The following RBFOX1 variants were observed in gnomAD, a reference collection of about 807,000 sequenced individuals.
RBFOX1 encodes the protein RNA binding fox-1 homolog 1.
A neutral mutation model predicts 57.7 loss-of-function variants in RBFOX1; 8 were observed. The observed-to-expected ratio is 0.14, with a 90% CI of 0.08 to 0.25. The LOEUF is 0.25. Ranked by LOEUF, RBFOX1 falls within the 10% of genes least tolerant of loss-of-function variation. RBFOX1 has a pLI of 1.00. For missense variants in RBFOX1, 611 were observed against 548.5 expected, an observed-to-expected ratio of 1.11 and a Z score of -1.14; for synonymous variants, 326 against 222.4, an observed-to-expected ratio of 1.47 and a Z score of -4.15.
At chr16:5,916,755 C>T (rs1253666822) in intron 4 of RBFOX1, among the ~76,000 whole-genome samples, 2 of 152,108 alleles carry the variant, frequency 1.3e-5, no homozygotes, top group African/African-American at 4.8e-5. Context: ...TCTCTGACTC[C>T]ACTGGGCTGC....
chr16:5,599,639 T>C (rs2047300653), exon 3 of RBFOX1: 1 of 182,896 alleles, frequency 5.5e-6, no homozygotes, highest in African/African-American at 2.3e-5. Flanking sequence ...TGTTGCTGTT[T>C]GGTATTCATC....
chr16:7,105,528 C>G (rs973780135), intron 4 of RBFOX1, among the ~76,000 whole-genome samples: 5 of 151,952 alleles, frequency 3.3e-5, no homozygotes, highest in Non-Finnish European at 5.9e-5. Flanking sequence ...CATTCTTATG[C>G]CTTTGCTTCC....
At chr16:7,347,466 C>T (rs1261928581) in intron 4 of RBFOX1, among the ~76,000 whole-genome samples, 1 of 152,146 alleles carries the variant, frequency 6.6e-6, no homozygotes, top group Non-Finnish European at 1.5e-5. Context: ...CCCCCAAATT[C>T]AGTCATTTCC....
intron 3 of RBFOX1, among the ~76,000 whole-genome samples, chr16:5,832,943 A>T (rs188808591): frequency 6.6e-6 from 1 of 152,326 alleles, no homozygotes; most frequent in Non-Finnish European, 1.5e-5. Context: ...TGAAAAAGAT[A>T]TTCACCAATG....
At chr16:6,442,899 G>C (rs1208346638) in intron 2 of RBFOX1, among the ~76,000 whole-genome samples, 1 of 152,114 alleles carries the variant, frequency 6.6e-6, no homozygotes, top group East Asian at 1.9e-4. Flanking sequence ...TTGTGTGTTT[G>C]CCATGCGAAA....
At chr16:7,131,341 CTTTTTTTT>C (rs34213849) in intron 4 of RBFOX1, among the ~76,000 whole-genome samples, 2 of 71,746 alleles carry the variant, frequency 2.8e-5, no homozygotes, top group African/African-American at 5.8e-5. Context: ...GCGAGACTGT[CTTTTTTTT>C]TTTTTTTTTT....
At chr16:7,391,415 C>T (rs544310394) in intron 4 of RBFOX1, among the ~76,000 whole-genome samples, 3 of 152,314 alleles carry the variant, frequency 2.0e-5, no homozygotes, top group African/African-American at 7.2e-5. Flanking sequence ...CTCTGCTCTT[C>T]GTTTCTCACC....
At chr16:6,575,039 A>G (rs1485319213) in intron 2 of RBFOX1, among the ~76,000 whole-genome samples, 2 of 22,284 alleles carry the variant, frequency 9.0e-5, no homozygotes, top group East Asian at 3.2e-3. Flanking sequence ...CTCCGTCTCA[A>G]TTAAAAAAAA....
chr16:7,648,498 C>G (rs2064220587), intron 11 of RBFOX1, among the ~76,000 whole-genome samples: 2 of 152,144 alleles, frequency 1.3e-5, no homozygotes, highest in South Asian at 4.1e-4. Context: ...GTTGGGATTA[C>G]AGGTGTGAGA....
At chr16:7,354,669 G>C (rs2097183728) in intron 4 of RBFOX1, among the ~76,000 whole-genome samples, 1 of 152,176 alleles carries the variant, frequency 6.6e-6, no homozygotes, top group African/African-American at 2.4e-5. Flanking sequence ...GGATATTTTA[G>C]CTGGGGAAGA....
chr16:6,487,700 AATATATATATATATATAT>A (rs1277585706), intron 2 of RBFOX1, among the ~76,000 whole-genome samples: 113 of 16,216 alleles, frequency 7.0e-3, no homozygotes, highest in African/African-American at 0.021. Flanking sequence ...AAAAAAAAAA[AATATATATATATATATAT>A]ATATATATAT....
intron 1 of RBFOX1, among the ~76,000 whole-genome samples, chr16:6,274,604 T>C (rs2075589689): frequency 6.6e-6 from 1 of 152,162 alleles, no homozygotes; most frequent in Admixed American, 6.5e-5. Context: ...ATGGAAAAGT[T>C]CTGTATCTTG....
chr16:6,552,115 G>A (rs1599620250), intron 2 of RBFOX1, among the ~76,000 whole-genome samples: 1 of 152,098 alleles, frequency 6.6e-6, no homozygotes, highest in African/African-American at 2.4e-5. Context: ...TTCCTGCTGG[G>A]ACAATAATGT....
At position 7,411,142 on chromosome 16, in the gene RBFOX1, T is replaced by A. The variant is rs1006309419; in HGVS notation, c.28-107005T>A. Among the ~76,000 whole-genome samples, 10 of 152,116 alleles carry A rather than the reference T, an allele frequency of 6.6e-5. No individual in the cohort carries two copies. The East Asian group carries it at 1.7e-3, about 27-fold the overall frequency. On this transcript the variant is annotated intron_variant, in intron 4 of 15. Coordinates refer to ENST00000550418, the MANE Select transcript of RBFOX1 (RefSeq NM_018723.4). ...TGTATTTTTAGTAGAGACGGGGTTT[T>A]GTCATGTTGGCCAGGTTGGTCTTGA...
At chr16:5,256,706 G>C (rs2062598211) in intron 1 of RBFOX1, among the ~76,000 whole-genome samples, 1 of 152,070 alleles carries the variant, frequency 6.6e-6, no homozygotes, top group African/African-American at 2.4e-5. Context: ...AGGCTGAGGG[G>C]GTTGGATCAC....
chr16:6,642,414 T>G (rs1027642044), intron 2 of RBFOX1, among the ~76,000 whole-genome samples: 1 of 152,176 alleles, frequency 6.6e-6, no homozygotes, highest in Non-Finnish European at 1.5e-5. Flanking sequence ...ACCTTTGGTT[T>G]GAGCTCACCT....
intron 3 of RBFOX1, among the ~76,000 whole-genome samples, chr16:6,806,273 T>G (rs1050627568): frequency 2.2e-4 from 34 of 152,192 alleles, no homozygotes; most frequent in Admixed American, 3.3e-4. Context: ...TTTTCCTTCC[T>G]GAAAGTCATT....
At chr16:7,416,552 A>G (rs6500961) in intron 4 of RBFOX1, among the ~76,000 whole-genome samples, 100,820 of 151,924 alleles carry the variant, frequency 0.66, 33,789 homozygotes, top group East Asian at 0.84. Context: ...GATCGGGGCT[A>G]ATGTAAAAGT....
intron 4 of RBFOX1, among the ~76,000 whole-genome samples, chr16:7,063,089 C>T (rs2054987876): frequency 1.3e-5 from 2 of 151,888 alleles, no homozygotes; most frequent in Non-Finnish European, 2.9e-5. Context: ...CTCCCTGATG[C>T]CTCTGTGAAT....
Sources: allele counts gnomAD v4.1 joint callset (sites outside exome capture counted in the v4.1 genomes callset), GRCh38; gene constraint gnomAD v4.1.1; transcripts MANE v1.5; gene names NCBI Gene and HGNC (gene_info 2026-07-23, HGNC 2026-07-21).